The following PAK5 variants were observed in gnomAD, a reference collection of about 807,000 sequenced individuals.
PAK5 encodes the protein serine/threonine-protein kinase PAK 5.
PAK5 carries 16 observed loss-of-function variants against 65.9 expected under a neutral mutation model. The ratio of observed to expected loss-of-function variants is 0.24; its 90% CI spans 0.16 to 0.37. PAK5 has a LOEUF of 0.37. PAK5 is among the 10% of genes least tolerant of loss of function. The pLI is 1.00. For missense variants in PAK5, 785 were observed against 903.9 expected (o/e 0.87, Z 1.69); for synonymous variants, 371 against 354.9 (o/e 1.05, Z -0.51).
In PAK5 at chr20:9,562,921, C is replaced by T. The variant is rs2045613761; in HGVS notation, c.1586G>A (p.Gly529Asp). 4 of 1,613,842 alleles carry T rather than the reference C, an allele frequency of 2.5e-6. No individual in the cohort carries two copies. The highest frequency in any genetic ancestry group is 3.4e-6 in the Non-Finnish European group (4 of 1,179,794). The change falls in exon 6 of 10, where the codon GGT (glycine) becomes GAT (aspartate). Residue 529 changes from glycine (G) to aspartate (D), a missense_variant. Gly to Asp is a moderately conservative substitution (Grantham distance 94, BLOSUM62 -1). Around this residue, in one of 4 missense-constraint regions of PAK5, gnomAD observed 182 missense variants for 273.0 expected, o/e 0.67. Transcript: ENST00000353224. The part of the protein sequence containing the change: ...LWVVMEFLEG[G>D]ALTDIVTHTR... ...GTGAGTCACAATGTCTGTCAAGGCA[C>T]CACCTTCTAGAAACTCCATGACCAC...
At chr20:9,785,652 G>A (rs2048984577) in intron 1 of PAK5, among the ~76,000 whole-genome samples, 1 of 152,120 alleles carries the variant, frequency 6.6e-6, no homozygotes, top group African/African-American at 2.4e-5. Flanking sequence ...TACCATCTTA[G>A]AGGGGAAAAA....
intron 3 of PAK5, among the ~76,000 whole-genome samples, chr20:9,585,175 C>G (rs1320485470): frequency 6.6e-6 from 1 of 152,080 alleles, no homozygotes; most frequent in Non-Finnish European, 1.5e-5. Context: ...AAACAATATT[C>G]CAATTATTCT....
intron 1 of PAK5, among the ~76,000 whole-genome samples, chr20:9,749,440 T>C (rs1425953130): frequency 6.6e-6 from 1 of 152,170 alleles, no homozygotes; most frequent in Non-Finnish European, 1.5e-5. Flanking sequence ...TGAAAAATCC[T>C]GATGACAATG....
Position 9,571,878 on chromosome 20 carries a change from G to GT in PAK5, c.991-5495_991-5494insA, listed in dbSNP as rs577976166. 9.6e-5 allele frequency among the ~76,000 whole-genome samples: 14 copies of GT among 146,054 alleles called. No individual in the cohort carries two copies. In the South Asian group the frequency reaches 2.6e-3, roughly 27 times the overall value. ...CACAGAGATAGGCATGAATGATGGG[G>GT]GGGGGGGATGTGGTCTTAACAGGGG... On this transcript the variant is annotated intron_variant, in intron 4 of 9. Transcript: ENST00000353224.
In PAK5 at chr20:9,566,131, C is replaced by T; in HGVS notation, c.1244G>A (p.Ser415Asn). 6.2e-7 allele frequency: 1 copy of T among 1,613,820 alleles called. No homozygotes were observed. The highest frequency in any genetic ancestry group is 8.5e-7 in the Non-Finnish European group (1 of 1,179,908). Residue 415 changes from serine (S) to asparagine (N), a missense_variant, in exon 5 of 10, where the codon AGC becomes AAC. This residue lies in a region of PAK5 where 422 missense variants were observed against 413.3 expected (regional missense o/e 1.02). Transcript: ENST00000353224. ...CTGCTGGTCGGAGGAGGAGCCCCAG[C>T]TGGGCGGCGGGTAGGTGCTGGATGA... ...SLSSSTYPPP[S>N]WGSSSDQQPS...
At chr20:9,837,530 A>C (rs939199318) in intron 1 of PAK5, among the ~76,000 whole-genome samples, 39 of 152,334 alleles carry the variant, frequency 2.6e-4, no homozygotes, top group African/African-American at 9.1e-4. Context: ...GTGCTGTTGA[A>C]TATAACAGAT....
intron 2 of PAK5, among the ~76,000 whole-genome samples, chr20:9,677,564 G>C (rs181724279): frequency 2.0e-5 from 3 of 152,188 alleles, no homozygotes; most frequent in Admixed American, 1.3e-4. Context: ...CCATTTACTT[G>C]TAGATAAAAG....
At chr20:9,819,706 G>C (rs1181199696) in intron 1 of PAK5, among the ~76,000 whole-genome samples, 1 of 152,094 alleles carries the variant, frequency 6.6e-6, no homozygotes, top group Non-Finnish European at 1.5e-5. Context: ...TCTGACTCTA[G>C]GGGTGGGTTT....
chr20:9,765,762 G>A (rs1412647756), intron 1 of PAK5, among the ~76,000 whole-genome samples: 1 of 152,120 alleles, frequency 6.6e-6, no homozygotes, highest in Non-Finnish European at 1.5e-5. Context: ...ACTGCAAATA[G>A]GAAGGGCATG....
At chr20:9,563,226 A>G (rs2122979429) in intron 5 of PAK5, among the ~76,000 whole-genome samples, 1 of 152,300 alleles carries the variant, frequency 6.6e-6, no homozygotes, top group Non-Finnish European at 1.5e-5. Context: ...TTGAGAGAAA[A>G]TGGCAGGTCA....
intron 1 of PAK5, among the ~76,000 whole-genome samples, chr20:9,729,755 A>C (rs1408970358): frequency 1.3e-5 from 2 of 150,530 alleles, no homozygotes; most frequent in African/African-American, 2.4e-5. Flanking sequence ...AGATAGAAGA[A>C]ACCTGTGGTA....
chr20:9,701,952 A>T (rs1409266334), intron 2 of PAK5, among the ~76,000 whole-genome samples: 1 of 152,132 alleles, frequency 6.6e-6, no homozygotes, highest in Non-Finnish European at 1.5e-5. Flanking sequence ...GTAAGCCATG[A>T]CTGTATCACT....
intron 1 of PAK5, among the ~76,000 whole-genome samples, chr20:9,741,683 C>T (rs750735672): frequency 1.6e-4 from 24 of 152,086 alleles, no homozygotes; most frequent in Admixed American, 4.6e-4. Context: ...TTTAAAAACC[C>T]TAACGTGCTT....
intron 3 of PAK5, among the ~76,000 whole-genome samples, chr20:9,584,230 C>T (rs1278690672): frequency 6.6e-6 from 1 of 152,208 alleles, no homozygotes; most frequent in Non-Finnish European, 1.5e-5. Context: ...AGCTATAACT[C>T]AGCCTTAAAA....
At chr20:9,550,358 G>A (rs2122921446) in intron 7 of PAK5, among the ~76,000 whole-genome samples, 1 of 152,296 alleles carries the variant, frequency 6.6e-6, no homozygotes, top group Admixed American at 6.5e-5. Flanking sequence ...CTGGTCACCA[G>A]TCCAGGTAGC....
chr20:9,730,014 AGAGAG>A (rs1488921818), intron 1 of PAK5, among the ~76,000 whole-genome samples: 4 of 108,110 alleles, frequency 3.7e-5, no homozygotes, highest in Non-Finnish European at 5.1e-5. Flanking sequence ...AAAAAAAAAA[AGAGAG>A]AGAGAGAGAG....
intron 2 of PAK5, among the ~76,000 whole-genome samples, chr20:9,702,406 C>T (rs1213093207): frequency 6.6e-6 from 1 of 152,174 alleles, no homozygotes; most frequent in Non-Finnish European, 1.5e-5. Context: ...GAGCTTTGGT[C>T]ACCCAGAGCC....
At chr20:9,660,385 A>G (rs1185467033) in intron 2 of PAK5, among the ~76,000 whole-genome samples, 2 of 135,942 alleles carry the variant, frequency 1.5e-5, no homozygotes, top group Non-Finnish European at 3.3e-5. Context: ...TTCTTTGACA[A>G]GTATTTTTTG....
intron 1 of PAK5, among the ~76,000 whole-genome samples, chr20:9,768,390 T>G (rs962506677): frequency 5.3e-5 from 8 of 152,058 alleles, no homozygotes; most frequent in Non-Finnish European, 1.0e-4. Flanking sequence ...AACCACCTAT[T>G]GGGTACTATG....
Sources: allele counts gnomAD v4.1 joint callset (sites outside exome capture counted in the v4.1 genomes callset), GRCh38; gene constraint gnomAD v4.1.1; regional missense constraint gnomAD v4.1.1; transcripts MANE v1.5; gene names NCBI Gene and HGNC (gene_info 2026-07-23, HGNC 2026-07-21).